PYGO1: variants seen among roughly 807,000 people sequenced by gnomAD.
PYGO1 encodes pygopus family PHD finger 1, also known as pygopus homolog 1.
Under a neutral mutation model 29.5 loss-of-function variants are expected in PYGO1, and 6 were observed. The observed-to-expected ratio is 0.20, with a 90% CI of 0.11 to 0.40. The LOEUF is 0.40. Among genes scored for constraint, PYGO1 ranks in the 10% least tolerant of loss-of-function variants. PYGO1 has a pLI of 1.00. For synonymous variants in PYGO1, 186 were observed against 180.5 expected, an observed-to-expected ratio of 1.03 and a Z score of -0.24; for missense variants, 515 against 514.9, an observed-to-expected ratio of 1.00 and a Z score of 0.00.
In PYGO1 at chr15:55,546,964, G is replaced by A; in HGVS notation, c.319C>T (p.Pro107Ser). ...GFGGYSTFRMPPHVPPRMSSP... is the reference protein window; with the variant it reads ...GFGGYSTFRMSPHVPPRMSSP... ...GACATTCTTGGGGGAACGTGAGGTG[G>A]CATTCTGAATGTACTATAGCCTCCA... is the stretch of plus-strand genomic sequence containing the variant. The change falls in exon 3 of 3, where the codon CCA becomes TCA. Residue 107 changes from proline (P) to serine (S), a missense_variant. Physicochemically the swap from Pro to Ser is moderately conservative, Grantham distance 74. Transcript: ENST00000563719. 1 of 1,613,958 alleles carries A rather than the reference G, an allele frequency of 6.2e-7. No individual in the cohort carries two copies. The highest frequency in any genetic ancestry group is 1.1e-5 in the South Asian group (1 of 91,078).
In PYGO1 at chr15:55,546,661, T is replaced by C. The variant is rs1162871540; in HGVS notation, c.622A>G (p.Asn208Asp). The change falls in exon 3 of 3, where the codon AAT becomes GAT. Residue 208 changes from asparagine (N) to aspartate (D), a missense_variant. By Grantham distance (23) the Asn-to-Asp change is conservative. Transcript: ENST00000563719. ...PDLASNFVPG[N>D]NSNFTSPLES... ...AACGGAGAAGTAAAATTTGAATTATTTCCAGGAACAAAATTAGATGCCAAA... is the reference window on the plus strand; with the variant it reads ...AACGGAGAAGTAAAATTTGAATTATCTCCAGGAACAAAATTAGATGCCAAA... 1 of 1,614,018 alleles carries C rather than the reference T, an allele frequency of 6.2e-7. No individual in the cohort carries two copies. Among genetic ancestry groups the C allele is most frequent in the Admixed American group, 1.7e-5 (1 of 59,984 alleles).
At position 55,557,811 on chromosome 15, in the gene PYGO1, C is replaced by G. The variant is rs368459912; in HGVS notation, c.50-8816G>C. ...TCAACAGCCCTTCATGCTAAAAACTCTCAATAAATTAGGTATTGATGGGAC... is the reference window on the plus strand; with the variant it reads ...TCAACAGCCCTTCATGCTAAAAACTGTCAATAAATTAGGTATTGATGGGAC... On this transcript the variant is annotated intron_variant, in intron 1 of 2. Coordinates refer to ENST00000563719, the MANE Select transcript of PYGO1 (RefSeq NM_001367806.1). 9.2e-5 allele frequency among the ~76,000 whole-genome samples: 14 copies of G among 152,284 alleles called. No individual in the cohort carries two copies. In the East Asian group the frequency reaches 9.6e-4, roughly 10 times the overall value.
At chr15:55,557,138 C>T (rs1375873197) in intron 1 of PYGO1, among the ~76,000 whole-genome samples, 1 of 151,758 alleles carries the variant, frequency 6.6e-6, no homozygotes, top group Non-Finnish European at 1.5e-5. Flanking sequence ...CAAATAGGCG[C>T]AATAAAAAAT....
chr15:55,583,600 T>C (rs1291945472), intron 1 of PYGO1, among the ~76,000 whole-genome samples: 3 of 152,168 alleles, frequency 2.0e-5, no homozygotes, highest in African/African-American at 7.2e-5. Context: ...CATTGCAGCC[T>C]CGACCTCCTG....
In PYGO1 at chr15:55,545,946, G is replaced by A. The variant is rs1171434017; in HGVS notation, c.*77C>T. 5.7e-6 allele frequency: 8 copies of A among 1,412,478 alleles called. No homozygotes were observed. The highest frequency in any genetic ancestry group is 5.7e-6 in the Non-Finnish European group (6 of 1,045,884). 87.5% of individuals were successfully genotyped at this position (1,412,478 alleles called of 1,614,324 possible). A position where few individuals can be genotyped will look rare whatever the true frequency, so the allele number is the denominator to read the frequency against. On this transcript the variant is annotated 3_prime_UTR_variant, in exon 3 of 3. Coordinates refer to ENST00000563719, the MANE Select transcript of PYGO1 (RefSeq NM_001367806.1). ...TTGTGTATGCATTTAAAAAAATAAT[G>A]TAAAACATTAAAATCCTGTGTCAAT...
intron 1 of PYGO1, among the ~76,000 whole-genome samples, chr15:55,569,662 T>C (rs1448037186): frequency 1.3e-5 from 2 of 152,162 alleles, no homozygotes; most frequent in African/African-American, 4.8e-5. Context: ...AAAAGTACTG[T>C]TGGTAGGATT....
At chr15:55,584,400 T>C (rs479153) in intron 1 of PYGO1, among the ~76,000 whole-genome samples, 143,508 of 152,176 alleles carry the variant, frequency 0.94, 67,877 homozygotes, top group Non-Finnish European at 0.98. Flanking sequence ...CGTGAGCCAC[T>C]GCGCCCAGCC....
At chr15:55,580,362 C>A (rs2059020431) in intron 1 of PYGO1, among the ~76,000 whole-genome samples, 1 of 152,160 alleles carries the variant, frequency 6.6e-6, no homozygotes, top group Non-Finnish European at 1.5e-5. Context: ...AAATAAGAAT[C>A]TGCTGTAGGT....
chr15:55,581,808 G>A (rs1205717758), intron 1 of PYGO1, among the ~76,000 whole-genome samples: 1 of 63,438 alleles, frequency 1.6e-5, no homozygotes, highest in African/African-American at 5.7e-5. Context: ...GGACTAAGGG[G>A]GAGGCCATGA....
chr15:55,576,035 T>A (rs1455404899), intron 1 of PYGO1, among the ~76,000 whole-genome samples: 4 of 152,230 alleles, frequency 2.6e-5, no homozygotes, highest in Non-Finnish European at 5.9e-5. Context: ...TACTTTATAT[T>A]ATTTGTTAAA....
chr15:55,547,214 C>A, intron 2 of PYGO1, 67 bp from the exon 3 acceptor site: 1 of 1,375,620 alleles, frequency 7.3e-7, no homozygotes, highest in Non-Finnish European at 9.7e-7. Flanking sequence ...TGTCCTGTTA[C>A]CTTAATACCT....
In PYGO1 at chr15:55,539,158, G is replaced by A. The variant is rs1199918872; in HGVS notation, c.*6865C>T. 1 of 152,116 alleles carries A rather than the reference G, an allele frequency of 6.6e-6. No individual in the cohort carries two copies. The highest frequency in any genetic ancestry group is 1.5e-5 in the Non-Finnish European group (1 of 68,008). The allele number at this position is 152,116 out of a possible 1,614,324, so 9.4% of individuals were successfully genotyped here. ...ATCTATAGAATAAAAAAACTAAAAT[G>A]TAGATGACAAATTAAACTCTTCCAA... is the stretch of plus-strand genomic sequence containing the variant. On this transcript the variant is annotated 3_prime_UTR_variant, in exon 3 of 3. Coordinates refer to ENST00000563719, the MANE Select transcript of PYGO1 (RefSeq NM_001367806.1).
At chr15:55,554,980 C>G (rs766879818) in intron 1 of PYGO1, among the ~76,000 whole-genome samples, 1 of 152,006 alleles carries the variant, frequency 6.6e-6, no homozygotes, top group Non-Finnish European at 1.5e-5. Context: ...GCAAGACAGG[C>G]CAACATTCAA....
At position 55,587,944 on chromosome 15, in the gene PYGO1, G is replaced by T; in HGVS notation, c.-61C>A. 6.9e-7 allele frequency: 1 copy of T among 1,447,058 alleles called. No individual in the cohort carries two copies. Among genetic ancestry groups the T allele is most frequent in the Non-Finnish European group, 9.1e-7 (1 of 1,096,186 alleles). The allele number at this position is 1,447,058 out of a possible 1,614,324, so 89.6% of individuals were successfully genotyped here. On this transcript the variant is annotated 5_prime_UTR_variant, in exon 1 of 3. Transcript: ENST00000563719. ...GGGAATTCGGTCTCTTTGATGCTGC[G>T]GCGGCGGCTCCTCCTCCTCGCGGGG... is the stretch of plus-strand genomic sequence containing the variant.
chr15:55,579,759 CTT>C (rs1268980884), intron 1 of PYGO1, among the ~76,000 whole-genome samples: 3 of 152,180 alleles, frequency 2.0e-5, no homozygotes, highest in Non-Finnish European at 1.5e-5. Context: ...AAAATATACT[CTT>C]AATGGTATCT....
At chr15:55,549,102 T>A in intron 1 of PYGO1, 107 bp from the exon 2 acceptor site, 1 of 825,188 alleles carries the variant, frequency 1.2e-6, no homozygotes, top group Non-Finnish European at 1.8e-6. Flanking sequence ...CTATTTTCGT[T>A]AGACAAGAGC....
chr15:55,587,901 G>A lies in PYGO1; in HGVS notation c.-18C>T, dbSNP rs2059055825. On this transcript the variant is annotated 5_prime_UTR_variant, in exon 1 of 3. Coordinates refer to ENST00000563719, the MANE Select transcript of PYGO1 (RefSeq NM_001367806.1). ...GCTGACATTACAGACCGCAAAGCAT[G>A]ACTCCCCCCCAGGCCGCGGGAATTC... 1 of 1,470,204 alleles carries A rather than the reference G, an allele frequency of 6.8e-7. No individual in the cohort carries two copies. Among genetic ancestry groups the A allele is most frequent in the Non-Finnish European group, 9.0e-7 (1 of 1,110,134 alleles). 91.1% of individuals were successfully genotyped at this position (1,470,204 alleles called of 1,614,324 possible). A position where few individuals can be genotyped will look rare whatever the true frequency, so the allele number is the denominator to read the frequency against.
At chr15:55,547,460 T>C (rs2058857705) in intron 2 of PYGO1, among the ~76,000 whole-genome samples, 1 of 152,192 alleles carries the variant, frequency 6.6e-6, no homozygotes, top group Non-Finnish European at 1.5e-5. Flanking sequence ...CTAATTTTCA[T>C]TTAATATGCT....
At chr15:55,562,319 C>T (rs1469011383) in intron 1 of PYGO1, among the ~76,000 whole-genome samples, 1 of 152,112 alleles carries the variant, frequency 6.6e-6, no homozygotes, top group Non-Finnish European at 1.5e-5. Flanking sequence ...ACCATTGGAC[C>T]CAGCAATCCC....
Sources: allele counts gnomAD v4.1 joint callset (sites outside exome capture counted in the v4.1 genomes callset), GRCh38; gene constraint gnomAD v4.1.1; transcripts MANE v1.5; gene names NCBI Gene and HGNC (gene_info 2026-07-23, HGNC 2026-07-21).